The following NFE2L2 variants were observed in gnomAD, a reference collection of about 807,000 sequenced individuals.
The protein encoded by NFE2L2 is NFE2 like bZIP transcription factor 2, also known as nuclear factor erythroid 2-related factor 2.
Under a neutral mutation model 49.6 loss-of-function variants are expected in NFE2L2, and 20 were observed. That is an observed-to-expected ratio of 0.40 (90% CI 0.28 to 0.59). The LOEUF (loss-of-function observed/expected upper bound fraction) is 0.59. Among genes scored for constraint, NFE2L2 ranks in the 20% least tolerant of loss-of-function variants. The pLI is 0.40. For missense variants in NFE2L2, 578 were observed against 714.2 expected, an observed-to-expected ratio of 0.81 and a Z score of 2.17; for synonymous variants, 244 against 256.5, an observed-to-expected ratio of 0.95 and a Z score of 0.47.
At chr2:177,232,606 T>C in intron 3 of NFE2L2, 23 bp from the exon 4 acceptor site, 3 of 1,609,110 alleles carry the variant, frequency 1.9e-6, no homozygotes, top group Non-Finnish European at 2.6e-6. Context: ...AGGCATTGAT[T>C]TATGAGTCTT....
In NFE2L2 at chr2:177,230,888, T is replaced by C; in HGVS notation, c.1715A>G (p.Asp572Gly). 6.2e-7 allele frequency: 1 copy of C among 1,614,046 alleles called. No individual in the cohort carries two copies. Among genetic ancestry groups the C allele is most frequent in the Non-Finnish European group, 8.5e-7 (1 of 1,179,988 alleles). ...LEVFSMLRDE[D>G]GKPYSPSEYS... ...TTCACTAGGAGAATAAGGTTTTCCA[T>C]CTTCATCACGTAGCATGCTGAAAAC... is the stretch of plus-strand genomic sequence containing the variant. The change falls in exon 5 of 5, where the codon GAT (aspartate) becomes GGT (glycine). Residue 572 changes from aspartate (D) to glycine (G), a missense_variant. By Grantham distance (94) the Asp-to-Gly change is moderately conservative (BLOSUM62 -1). This residue lies in a region of NFE2L2 where 117 missense variants were observed against 175.8 expected (regional missense o/e 0.67). Transcript: ENST00000397062.
chr2:177,239,581 G>A (rs1341562145), intron 1 of NFE2L2, among the ~76,000 whole-genome samples: 1 of 152,176 alleles, frequency 6.6e-6, no homozygotes, highest in South Asian at 2.1e-4. Context: ...GGGGACTAAG[G>A]TGGGAGGACT....
chr2:177,261,031 C>G (rs907931084), intron 1 of NFE2L2, among the ~76,000 whole-genome samples: 6 of 151,802 alleles, frequency 4.0e-5, no homozygotes, highest in Admixed American at 3.3e-4. Flanking sequence ...CAAAAATTAG[C>G]CGGGCAGTGG....
Position 177,232,817 on chromosome 2 carries a change from G to T in NFE2L2, c.403-234C>A, listed in dbSNP as rs115297462. The T allele has an allele frequency of 5.7e-6, 3 of 524,484 alleles. No homozygotes were observed. The South Asian group carries it at 8.3e-5, about 15-fold the overall frequency. 32.5% of individuals were successfully genotyped at this position (524,484 alleles called of 1,614,324 possible). On this transcript the variant is annotated intron_variant, in intron 3 of 4. Coordinates refer to ENST00000397062, the MANE Select transcript of NFE2L2 (RefSeq NM_006164.5). ...CATTTGAAAGTAAACTTTAAAATGC[G>T]TAAGTACAATCTTTAGGATTTAGTT...
chr2:177,259,468 A>C (rs1035719213), intron 1 of NFE2L2, among the ~76,000 whole-genome samples: 1 of 152,216 alleles, frequency 6.6e-6, no homozygotes, highest in Admixed American at 6.5e-5. Context: ...ATGCCGTAAA[A>C]ACGAATGATT....
At chr2:177,232,739 T>C in intron 3 of NFE2L2, 156 bp from the exon 4 acceptor site, 1 of 699,982 alleles carries the variant, frequency 1.4e-6, no homozygotes, top group East Asian at 2.7e-5. Flanking sequence ...CAAATCTTTT[T>C]TTCCTACCCC....
At chr2:177,239,964 A>C (rs958162951) in intron 1 of NFE2L2, among the ~76,000 whole-genome samples, 32 of 152,206 alleles carry the variant, frequency 2.1e-4, no homozygotes, top group African/African-American at 6.3e-4. Flanking sequence ...AAAAAAAAAA[A>C]AAAACAGCAG....
intron 1 of NFE2L2, among the ~76,000 whole-genome samples, chr2:177,264,044 C>T (rs1690845155): frequency 1.3e-5 from 2 of 152,156 alleles, no homozygotes; most frequent in African/African-American, 2.4e-5. Context: ...AGCCCGAAGG[C>T]GACCTCAGTT....
chr2:177,261,291 T>C (rs1004685209), intron 1 of NFE2L2, among the ~76,000 whole-genome samples: 2 of 152,030 alleles, frequency 1.3e-5, no homozygotes, highest in African/African-American at 4.8e-5. Context: ...GTATTCACTC[T>C]CCCTGTATTT....
At chr2:177,251,198 C>A (rs755769575) in intron 1 of NFE2L2, among the ~76,000 whole-genome samples, 1 of 152,342 alleles carries the variant, frequency 6.6e-6, no homozygotes. Context: ...CTTCACAGCT[C>A]TGGCCAAATT....
chr2:177,231,837 T>C lies in NFE2L2; in HGVS notation c.766A>G (p.Ser256Gly). 1 of 1,614,210 alleles carries C rather than the reference T, an allele frequency of 6.2e-7. No homozygotes were observed. The highest frequency in any genetic ancestry group is 8.5e-7 in the Non-Finnish European group (1 of 1,180,016). ...TTGGGGTCTTCTGTGGAGAGGATGC[T>C]GCTGAAGGAATCCTCAAAAGCATTA... ...FLNAFEDSFS[S>G]ILSTEDPNQL... is the part of the protein sequence containing the mutation. Residue 256 changes from serine (S) to glycine (G), a missense_variant, in exon 5 of 5, where the codon AGC (serine) becomes GGC (glycine). Coordinates refer to ENST00000397062, the MANE Select transcript of NFE2L2 (RefSeq NM_006164.5).
intron 1 of NFE2L2, among the ~76,000 whole-genome samples, chr2:177,238,913 C>T (rs1451728851): frequency 6.6e-6 from 1 of 152,172 alleles, no homozygotes; most frequent in Admixed American, 6.5e-5. Context: ...GGTTTTGTTA[C>T]TGTTGGTGGG....
chr2:177,233,440 A>G (rs1233126372), intron 2 of NFE2L2, 101 bp from the exon 3 acceptor site: 2 of 887,566 alleles, frequency 2.3e-6, no homozygotes, highest in East Asian at 2.8e-5. Flanking sequence ...TTTATAATCA[A>G]GTTAAGTAAA....
intron 1 of NFE2L2, among the ~76,000 whole-genome samples, chr2:177,239,046 T>C (rs1689857262): frequency 6.6e-6 from 1 of 152,208 alleles, no homozygotes; most frequent in East Asian, 1.9e-4. Flanking sequence ...TACCCTTCAA[T>C]GGACAGCTCC....
At chr2:177,255,571 T>C (rs1369107260) in intron 1 of NFE2L2, among the ~76,000 whole-genome samples, 3 of 152,122 alleles carry the variant, frequency 2.0e-5, no homozygotes, top group African/African-American at 7.2e-5. Flanking sequence ...TTTTTCTTTT[T>C]TTCATTGAGA....
intron 1 of NFE2L2, among the ~76,000 whole-genome samples, chr2:177,235,564 T>C (rs1250770511): frequency 6.6e-6 from 1 of 152,092 alleles, no homozygotes; most frequent in Non-Finnish European, 1.5e-5. Flanking sequence ...GCTTGGTGAC[T>C]CAGGCCTGTA....
rs747365318 is a variant in NFE2L2, at chr2:177,230,971, T to C, written c.1632A>G (p.Gly544=). ...DEKEKLLKEK[G]ENDKSLHLLK... is the part of the protein sequence containing the mutation. ...GTAGGTGAAGGCTTTTGTCATTTTC[T>C]CCTTTTTCTTTGAGCAATTTTTCTT... The change falls in exon 5 of 5, where the codon GGA becomes GGG. Residue 544 remains glycine, a synonymous_variant. Coordinates refer to ENST00000397062, the MANE Select transcript of NFE2L2 (RefSeq NM_006164.5). 6.2e-7 allele frequency: 1 copy of C among 1,609,690 alleles called. No individual in the cohort carries two copies. Among genetic ancestry groups the C allele is most frequent in the Non-Finnish European group, 8.5e-7 (1 of 1,178,998 alleles).
chr2:177,233,096 C>G, intron 3 of NFE2L2, 154 bp downstream of exon 3: 1 of 647,516 alleles, frequency 1.5e-6, no homozygotes, highest in South Asian at 2.1e-5. Context: ...CTAAGGTTTC[C>G]TTGACAAGAG....
chr2:177,262,565 T>C (rs556513522), intron 1 of NFE2L2, among the ~76,000 whole-genome samples: 1 of 152,368 alleles, frequency 6.6e-6, no homozygotes, highest in Admixed American at 6.5e-5. Flanking sequence ...AATTCTAAAT[T>C]TTCTTGTTCT....
Sources: allele counts gnomAD v4.1 joint callset (sites outside exome capture counted in the v4.1 genomes callset), GRCh38; gene constraint gnomAD v4.1.1; regional missense constraint gnomAD v4.1.1; transcripts MANE v1.5; gene names NCBI Gene and HGNC (gene_info 2026-07-23, HGNC 2026-07-21).